CDH18: variants seen among roughly 807,000 people sequenced by gnomAD.
The protein encoded by CDH18 is cadherin-18.
Under a neutral mutation model 67.9 loss-of-function variants are expected in CDH18, and 31 were observed. The ratio of observed to expected loss-of-function variants is 0.46; its 90% CI spans 0.34 to 0.62. The LOEUF is 0.62. Among genes scored for constraint, CDH18 ranks in the 20% least tolerant of loss-of-function variants. The pLI, the probability that CDH18 is intolerant of heterozygous loss-of-function variation, is 0.01. For missense variants in CDH18, 890 were observed against 975.5 expected (o/e 0.91, Z 1.17); for synonymous variants, 362 against 347.2 (o/e 1.04, Z -0.48).
chr5:19,719,851 AAGAGAGAAAGAAAGAAAAGAGAG>A (rs1041587574), intron 5 of CDH18, among the ~76,000 whole-genome samples: 10 of 151,636 alleles, frequency 6.6e-5, no homozygotes, highest in Middle Eastern at 3.2e-3. Flanking sequence ...AGGTAAAAGA[AAGAGAGAAAGAAAGAAAAGAGAG>A]AGAGAGAAAG....
At chr5:19,541,519 A>G (rs976326012) in intron 9 of CDH18, among the ~76,000 whole-genome samples, 6 of 152,158 alleles carry the variant, frequency 3.9e-5, no homozygotes, top group Non-Finnish European at 8.8e-5. Flanking sequence ...CATACCCGAG[A>G]CTGGGTAATT....
chr5:19,903,539 G>GTATATATATATA (rs1442013514), intron 2 of CDH18, among the ~76,000 whole-genome samples: 3 of 30,512 alleles, frequency 9.8e-5, no homozygotes, highest in South Asian at 1.4e-3. Flanking sequence ...CTGTGTGTGT[G>GTATATATATATA]TGTATATATA....
At chr5:19,605,482 A>C (rs1169590586) in intron 6 of CDH18, among the ~76,000 whole-genome samples, 1 of 151,960 alleles carries the variant, frequency 6.6e-6, no homozygotes, top group Non-Finnish European at 1.5e-5. Flanking sequence ...CATCCTTTCA[A>C]TTTAGCCACA....
chr5:20,241,905 T>TATATATATATAA (rs369967608), intron 2 of CDH18, among the ~76,000 whole-genome samples: 7,117 of 141,322 alleles, frequency 0.05, 241 homozygotes, highest in East Asian at 0.13. Flanking sequence ...TATATATATA[T>TATATATATATAA]ATATTGCTTA....
At chr5:20,051,208 A>G (rs1221632755) in intron 2 of CDH18, among the ~76,000 whole-genome samples, 1 of 151,970 alleles carries the variant, frequency 6.6e-6, no homozygotes, top group Non-Finnish European at 1.5e-5. Context: ...CTTTTGAACA[A>G]GGAAAGTTGT....
At chr5:19,818,773 A>T (rs1277309125) in intron 3 of CDH18, among the ~76,000 whole-genome samples, 1 of 152,236 alleles carries the variant, frequency 6.6e-6, no homozygotes, top group Non-Finnish European at 1.5e-5. Context: ...AAACAGTACA[A>T]TATAATATGC....
intron 1 of CDH18, among the ~76,000 whole-genome samples, chr5:20,538,798 T>C (rs1756868939): frequency 6.6e-6 from 1 of 152,082 alleles, no homozygotes; most frequent in Admixed American, 6.6e-5. Flanking sequence ...AGGTGTATAT[T>C]GTGTGAATTT....
At chr5:19,581,051 C>A (rs10520862) in intron 7 of CDH18, among the ~76,000 whole-genome samples, 9,836 of 151,868 alleles carry the variant, frequency 0.065, 347 homozygotes, top group Non-Finnish European at 0.074. Context: ...GATGCATAAG[C>A]TAAGAAACTA....
intron 1 of CDH18, among the ~76,000 whole-genome samples, chr5:20,328,028 T>C (rs1259258551): frequency 6.6e-6 from 1 of 152,048 alleles, no homozygotes; most frequent in Non-Finnish European, 1.5e-5. Context: ...AATAGAGACT[T>C]AGCATGTTAG....
At chr5:20,523,492 C>A (rs781665939) in intron 1 of CDH18, among the ~76,000 whole-genome samples, 1 of 152,176 alleles carries the variant, frequency 6.6e-6, no homozygotes, top group African/African-American at 2.4e-5. Flanking sequence ...TCATTTATAG[C>A]TGGTAATTTC....
chr5:19,697,152 T>C (rs1580925015), intron 5 of CDH18, among the ~76,000 whole-genome samples: 2 of 152,296 alleles, frequency 1.3e-5, no homozygotes. Context: ...ACAGAAAATA[T>C]CTAGAGAAGT....
intron 1 of CDH18, among the ~76,000 whole-genome samples, chr5:20,422,760 G>A (rs1747963064): frequency 6.6e-6 from 1 of 151,126 alleles, no homozygotes. Context: ...CAACTTCCCA[G>A]AATGGACAAA....
In CDH18 at chr5:20,543,987, A is replaced by G. The variant is rs143454679; in HGVS notation, c.-580+31475T>C. Among the ~76,000 whole-genome samples, 1,496 of 152,228 alleles carry G rather than the reference A, an allele frequency of 9.8e-3. 20 individuals are homozygous for G. Among genetic ancestry groups the G allele is most frequent in the African/African-American group, 0.034 (1,398 of 41,562 alleles). The stretch of plus-strand genomic sequence containing the variant: ...TTCAAGGAATATAGAACACATATTT[A>G]TTTTCTTTCAATTGTCTATGTAATG... On this transcript the variant is annotated intron_variant, in intron 1 of 14. Coordinates refer to the CDH18 transcript ENST00000507958.
intron 1 of CDH18, among the ~76,000 whole-genome samples, chr5:20,388,283 G>T (rs1198070502): frequency 6.6e-6 from 1 of 152,008 alleles, no homozygotes; most frequent in Non-Finnish European, 1.5e-5. Context: ...ACTTCTTCCT[G>T]GTTTAGTCTT....
intron 1 of CDH18, among the ~76,000 whole-genome samples, chr5:20,541,258 C>G (rs557898289): frequency 6.6e-6 from 1 of 152,214 alleles, no homozygotes; most frequent in East Asian, 1.9e-4. Flanking sequence ...AAAAATGTCT[C>G]TGCCTACTTA....
chr5:19,808,985 T>A lies in CDH18; in HGVS notation c.228+29774A>T, dbSNP rs755089259. Reference sequence around the variant, plus strand: ...GTATCTGTGTGAAAGTATCAAAGCATGATAAAAGAATACTGTATGTATATC... The same window carrying A: ...GTATCTGTGTGAAAGTATCAAAGCAAGATAAAAGAATACTGTATGTATATC... On this transcript the variant is annotated intron_variant, in intron 3 of 12. Coordinates refer to ENST00000382275, the MANE Select transcript of CDH18 (RefSeq NM_004934.5). Among the ~76,000 whole-genome samples, 49 of 152,154 alleles carry A rather than the reference T, an allele frequency of 3.2e-4. 1 individual carries two copies. Among genetic ancestry groups the A allele is most frequent in the Admixed American group, 2.4e-3 (37 of 15,262 alleles).
chr5:19,477,794 C>T (rs749007411), intron 12 of CDH18, among the ~76,000 whole-genome samples: 10 of 151,836 alleles, frequency 6.6e-5, no homozygotes, highest in Non-Finnish European at 8.8e-5. Context: ...TATGAGAGAA[C>T]CAAGGTGGTG....
At chr5:20,451,967 A>C (rs1380111899) in intron 1 of CDH18, among the ~76,000 whole-genome samples, 1 of 152,184 alleles carries the variant, frequency 6.6e-6, no homozygotes, top group African/African-American at 2.4e-5. Flanking sequence ...ATATTTCTGC[A>C]TATAGTTCTT....
chr5:20,119,164 G>C (rs1438368195), intron 2 of CDH18, among the ~76,000 whole-genome samples: 3 of 152,076 alleles, frequency 2.0e-5, no homozygotes, highest in Non-Finnish European at 4.4e-5. Flanking sequence ...TAAATATTGG[G>C]TTGTATTGTT....
Sources: allele counts gnomAD v4.1 joint callset (sites outside exome capture counted in the v4.1 genomes callset), GRCh38; gene constraint gnomAD v4.1.1; transcripts MANE v1.5; gene names NCBI Gene and HGNC (gene_info 2026-07-23, HGNC 2026-07-21).